FOXP1: variants seen among roughly 807,000 people sequenced by gnomAD.
FOXP1 encodes forkhead box P1.
In FOXP1, 15 loss-of-function variants were observed where a neutral mutation model predicts 98.2. The ratio of observed to expected loss-of-function variants is 0.15; its 90% confidence interval spans 0.10 to 0.24. FOXP1 has a LOEUF of 0.24. Among genes scored for constraint, FOXP1 ranks in the 10% least tolerant of loss-of-function variants. The probability of loss-of-function intolerance (pLI) is 1.00; values close to 1 mark genes in which losing one functional copy is unlikely to be tolerated. For missense variants in FOXP1, 633 were observed against 848.5 expected (o/e 0.75, Z 3.15); for synonymous variants, 371 against 314.5 (o/e 1.18, Z -1.90).
At chr3:71,049,029 A>C (rs914971262) in intron 9 of FOXP1, among the ~76,000 whole-genome samples, 1 of 152,200 alleles carries the variant, frequency 6.6e-6, no homozygotes, top group African/African-American at 2.4e-5. Context: ...ACCGGTTGCC[A>C]AACTGCGCTC....
rs2076463684 is a variant in FOXP1 at position 71,333,385 on chromosome 3, T to C, written c.-73+25765A>G. ...ATATAAAAATTTTGAGGTAAAATTC[T>C]ATACAAAGTGATAAAAAAAAAGGAA... On this transcript the variant is annotated intron_variant, in intron 4 of 20. Coordinates refer to ENST00000649528, the MANE Select transcript of FOXP1 (RefSeq NM_001349338.3). The C allele has an allele frequency of 2.6e-5, 3 of 116,584 alleles. No individual in the cohort carries two copies. The South Asian group carries it at 9.7e-4, about 38-fold the overall frequency. The allele number at this position is 116,584 out of a possible 1,614,324, so 7.2% of individuals were successfully genotyped here.
intron 5 of FOXP1, among the ~76,000 whole-genome samples, chr3:71,255,014 C>T (rs959257219): frequency 5.9e-5 from 9 of 152,168 alleles, no homozygotes; most frequent in Non-Finnish European, 8.8e-5. Flanking sequence ...GCCCACTTAA[C>T]GCCAAGCAGT....
At chr3:71,417,757 C>T (rs1413037660) in intron 3 of FOXP1, among the ~76,000 whole-genome samples, 4 of 152,074 alleles carry the variant, frequency 2.6e-5, no homozygotes, top group Admixed American at 2.6e-4. Context: ...TGGACTAGTA[C>T]AAGTTTGGAC....
chr3:71,582,821 G>A (rs1186031172), intron 1 of FOXP1: 9 of 983,812 alleles, frequency 9.1e-6, no homozygotes, highest in Non-Finnish European at 1.1e-5. Context: ...GCTCCGAGGG[G>A]GTGGCGGGAG....
At chr3:71,491,039 G>A (rs971406210) in intron 3 of FOXP1, among the ~76,000 whole-genome samples, 13 of 152,080 alleles carry the variant, frequency 8.5e-5, no homozygotes, top group East Asian at 1.9e-4. Flanking sequence ...ATTTTGAGAC[G>A]GAGTCTCACT....
At chr3:71,032,670 G>A (rs574096431) in intron 11 of FOXP1, among the ~76,000 whole-genome samples, 10 of 152,266 alleles carry the variant, frequency 6.6e-5, no homozygotes, top group South Asian at 2.1e-4. Flanking sequence ...GCCAGGCCAC[G>A]GGGTAACACT....
intron 2 of FOXP1, chr3:71,567,719 G>T (rs1413133278): frequency 6.6e-6 from 1 of 152,068 alleles, no homozygotes; most frequent in Non-Finnish European, 1.5e-5. Flanking sequence ...TGAAAGCAGT[G>T]AAACAAATAG....
chr3:71,246,391 A>G (rs2067753312), intron 5 of FOXP1, among the ~76,000 whole-genome samples: 1 of 152,168 alleles, frequency 6.6e-6, no homozygotes, highest in Admixed American at 6.5e-5. Context: ...TGATACATGT[A>G]ATTAAGAATG....
At chr3:71,489,569 C>G (rs960355902) in intron 3 of FOXP1, among the ~76,000 whole-genome samples, 3 of 152,190 alleles carry the variant, frequency 2.0e-5, no homozygotes, top group Non-Finnish European at 4.4e-5. Flanking sequence ...CAGGCATTGC[C>G]AGCCTTCACT....
chr3:70,978,826 T>C (rs2038158887), intron 14 of FOXP1, among the ~76,000 whole-genome samples: 1 of 152,064 alleles, frequency 6.6e-6, no homozygotes, highest in Non-Finnish European at 1.5e-5. Flanking sequence ...GATCTGTTAA[T>C]TTTTTTTATT....
At chr3:71,377,879 CAG>C (rs1261569128) in intron 3 of FOXP1, among the ~76,000 whole-genome samples, 2 of 152,138 alleles carry the variant, frequency 1.3e-5, no homozygotes, top group Non-Finnish European at 2.9e-5. Context: ...ACATTTTCCT[CAG>C]AATTTCCACA....
At chr3:71,009,968 C>G (rs576242236) in intron 12 of FOXP1, among the ~76,000 whole-genome samples, 3 of 147,068 alleles carry the variant, frequency 2.0e-5, no homozygotes, top group African/African-American at 7.6e-5. Flanking sequence ...GTTGACCTGG[C>G]TGGTCTCAAA....
At chr3:71,235,543 G>T (rs2066696513) in intron 5 of FOXP1, among the ~76,000 whole-genome samples, 1 of 152,118 alleles carries the variant, frequency 6.6e-6, no homozygotes, top group South Asian at 2.1e-4. Flanking sequence ...TATTTGTTAA[G>T]TGATGTACAT....
chr3:71,539,656 A>AT lies in FOXP1; in HGVS notation c.-298+41892dup, dbSNP rs564640340. On this transcript the variant is annotated intron_variant, in intron 2 of 20. Coordinates refer to ENST00000649528, the MANE Select transcript of FOXP1 (RefSeq NM_001349338.3). The stretch of plus-strand genomic sequence containing the variant: ...CTTAGGTCTTTAACTTCTTTCAAGA[A>AT]TATTTTGTAGTTTTCAGTGTATGAG... 2.1e-4 allele frequency among the ~76,000 whole-genome samples: 32 copies of AT among 152,296 alleles called. No homozygotes were observed. The East Asian group carries it at 6.0e-3, about 28-fold the overall frequency.
intron 3 of FOXP1, among the ~76,000 whole-genome samples, chr3:71,364,914 T>A (rs1409252955): frequency 6.6e-6 from 1 of 152,260 alleles, no homozygotes; most frequent in East Asian, 1.9e-4. Context: ...TTACTATCTT[T>A]TAGTCATATT....
At chr3:71,302,356 C>T (rs1193882969) in intron 4 of FOXP1, among the ~76,000 whole-genome samples, 1 of 151,994 alleles carries the variant, frequency 6.6e-6, no homozygotes. Flanking sequence ...ATAGGCATTT[C>T]ATTTTTTCCA....
intron 6 of FOXP1, among the ~76,000 whole-genome samples, chr3:71,142,537 T>C (rs770512619): frequency 1.3e-5 from 2 of 152,168 alleles, no homozygotes; most frequent in Non-Finnish European, 2.9e-5. Flanking sequence ...GGCTTCACGA[T>C]GGAAGAGACC....
At chr3:71,434,631 GGTGTGT>G (rs55643841) in intron 3 of FOXP1, among the ~76,000 whole-genome samples, 50 of 142,340 alleles carry the variant, frequency 3.5e-4, no homozygotes, top group East Asian at 8.0e-4. Flanking sequence ...GAGGGGATGG[GGTGTGT>G]GTGTGTGTGT....
Position 70,988,003 on chromosome 3 carries a change from G to A in FOXP1, c.1137C>T (p.Ala379=). The change falls in exon 14 of 21, where the codon GCC becomes GCT. Residue 379 remains alanine, a synonymous_variant. Coordinates refer to ENST00000649528, the MANE Select transcript of FOXP1 (RefSeq NM_001349338.3). Reference sequence around the variant, plus strand: ...GGGGATCAATACTTACGGGCTGAGGGGCGGCTTTGGGTTCTGTAGACTTCA... The same window carrying A: ...GGGGATCAATACTTACGGGCTGAGGAGCGGCTTTGGGTTCTGTAGACTTCA... ...LHVKSTEPKA[A]PQPLNLVSSV... 6.2e-7 allele frequency: 1 copy of A among 1,614,070 alleles called. No homozygotes were observed. Among genetic ancestry groups the A allele is most frequent in the Non-Finnish European group, 8.5e-7 (1 of 1,179,930 alleles).
Sources: allele counts gnomAD v4.1 joint callset (sites outside exome capture counted in the v4.1 genomes callset), GRCh38; gene constraint gnomAD v4.1.1; transcripts MANE v1.5; gene names NCBI Gene and HGNC (gene_info 2026-07-23, HGNC 2026-07-21).